TAF6L: variants seen among roughly 807,000 people sequenced by gnomAD.
TAF6L encodes TATA-box binding protein associated factor 6 like.
In TAF6L, 34 loss-of-function variants were observed where a neutral mutation model predicts 57.3. The ratio of observed to expected loss-of-function variants is 0.59; its 90% CI spans 0.45 to 0.79. The LOEUF is 0.79. TAF6L is among the 30% of genes least tolerant of loss of function. TAF6L has a pLI of 0.00. For synonymous variants in TAF6L, 417 were observed against 376.3 expected, an observed-to-expected ratio of 1.11 and a Z score of -1.25; for missense variants, 782 against 853.2, an observed-to-expected ratio of 0.92 and a Z score of 1.04.
At chr11:62,784,583 G>A (rs554986953) in intron 9 of TAF6L, among the ~76,000 whole-genome samples, 1 of 152,148 alleles carries the variant, frequency 6.6e-6, no homozygotes, top group Non-Finnish European at 1.5e-5. Context: ...TGGGATTACA[G>A]GTGTGAGCCA....
At chr11:62,779,368 G>A (rs1482094534) in intron 6 of TAF6L, among the ~76,000 whole-genome samples, 1 of 151,828 alleles carries the variant, frequency 6.6e-6, no homozygotes, top group Non-Finnish European at 1.5e-5. Flanking sequence ...CTAATTTTTT[G>A]TATTTTTTAG....
Position 62,777,961 on chromosome 11 carries a change from A to C in TAF6L, c.235-17A>C. On this transcript the variant is annotated splice_polypyrimidine_tract_variant and intron_variant, in intron 3 of 10. Coordinates refer to ENST00000294168, the MANE Select transcript of TAF6L (RefSeq NM_006473.4). The stretch of plus-strand genomic sequence containing the variant: ...CTCCCTGGATTCAGGCTGCTCTCCA[A>C]TTCCCTTTTTCCTCAGGCTGTGTGT... 1 of 1,613,578 alleles carries C rather than the reference A, an allele frequency of 6.2e-7. No individual in the cohort carries two copies. The highest frequency in any genetic ancestry group is 8.5e-7 in the Non-Finnish European group (1 of 1,179,610).
intron 9 of TAF6L, among the ~76,000 whole-genome samples, chr11:62,784,235 G>A (rs1303389822): frequency 2.0e-5 from 3 of 150,344 alleles, no homozygotes; most frequent in South Asian, 4.2e-4. Context: ...TGTTCCGCCC[G>A]CCTCGGCTTC....
chr11:62,772,606 G>A (rs2084156839), intron 1 of TAF6L, among the ~76,000 whole-genome samples: 2 of 151,286 alleles, frequency 1.3e-5, no homozygotes, highest in Admixed American at 1.3e-4. Flanking sequence ...GAGGTGGGCG[G>A]ATCACCTGAG....
chr11:62,779,418 A>G (rs559337696), intron 6 of TAF6L, among the ~76,000 whole-genome samples: 12 of 151,046 alleles, frequency 7.9e-5, no homozygotes, highest in African/African-American at 2.9e-4. Flanking sequence ...GATGGTCTTG[A>G]TCTCCTGACC....
chr11:62,777,360 A>G (rs774333737), intron 3 of TAF6L, among the ~76,000 whole-genome samples: 5 of 152,172 alleles, frequency 3.3e-5, no homozygotes, highest in Non-Finnish European at 5.9e-5. Context: ...CTAAACGCAC[A>G]CATAAGGGAA....
chr11:62,775,965 T>G, intron 2 of TAF6L, 35 bp downstream of exon 2: 1 of 1,570,732 alleles, frequency 6.4e-7, no homozygotes, highest in East Asian at 2.3e-5. Context: ...CCTCCAACTT[T>G]CCTTGTTTCT....
rs1248034242 is a variant in TAF6L at position 62,787,143 on chromosome 11, C to T, written c.1716C>T (p.Arg572=). The T allele has an allele frequency of 1.3e-6, 2 of 1,567,820 alleles. No individual in the cohort carries two copies. Among genetic ancestry groups the T allele is most frequent in the South Asian group, 1.1e-5 (1 of 87,660 alleles). ...FIIAGRQAGR[R]CRGRLFQTAF... The stretch of plus-strand genomic sequence containing the variant: ...TAGCCGGGCGGCAGGCTGGGAGGCG[C>T]TGCCGCGGGCGCCTTTTCCAGACTG... Residue 572 remains arginine (R), a synonymous_variant, in exon 11 of 11, where the codon CGC becomes CGT. Coordinates refer to ENST00000294168, the MANE Select transcript of TAF6L (RefSeq NM_006473.4).
At chr11:62,786,220 A>G (rs778122900) in intron 9 of TAF6L, 40 bp from the exon 10 acceptor site, 10 of 1,590,976 alleles carry the variant, frequency 6.3e-6, no homozygotes, top group Admixed American at 1.7e-5. Context: ...GGGAATAAGT[A>G]TCAAAGACAT....
At chr11:62,778,438 C>T in intron 5 of TAF6L, 103 bp downstream of exon 5, 3 of 1,367,494 alleles carry the variant, frequency 2.2e-6, no homozygotes, top group Non-Finnish European at 3.1e-6. Flanking sequence ...CATGTGTTTA[C>T]CCATGCCTGC....
At chr11:62,779,251 G>A (rs1264764363) in intron 6 of TAF6L, among the ~76,000 whole-genome samples, 1 of 152,106 alleles carries the variant, frequency 6.6e-6, no homozygotes, top group Non-Finnish European at 1.5e-5. Flanking sequence ...CTGGAGTGCA[G>A]TGGCGCGATC....
At chr11:62,778,379 C>T (rs1288526794) in intron 5 of TAF6L, 44 bp downstream of exon 5, 1 of 1,610,912 alleles carries the variant, frequency 6.2e-7, no homozygotes, top group Non-Finnish European at 8.5e-7. Context: ...TGAATTTTCT[C>T]CCTTAGGTTC....
chr11:62,779,727 G>A (rs1048468424), intron 6 of TAF6L, among the ~76,000 whole-genome samples: 1 of 151,488 alleles, frequency 6.6e-6, no homozygotes, highest in Non-Finnish European at 1.5e-5. Context: ...GTGCAGTGGT[G>A]TGATGTTGGC....
chr11:62,774,821 T>C (rs1329511403), intron 1 of TAF6L, among the ~76,000 whole-genome samples: 1 of 149,202 alleles, frequency 6.7e-6, no homozygotes, highest in Non-Finnish European at 1.5e-5. Flanking sequence ...TGGTGGCACG[T>C]GCCTGTAATC....
chr11:62,775,584 C>T (rs750670315), intron 1 of TAF6L, 187 bp from the exon 2 acceptor site: 17 of 582,138 alleles, frequency 2.9e-5, no homozygotes, highest in Non-Finnish European at 4.1e-5. Context: ...CTAGCTTCAC[C>T]GTTCTTGACC....
In TAF6L at chr11:62,787,306, C is replaced by G. The variant is rs747125135; in HGVS notation, c.*10C>G. ...GTACTTGCCGCTCTGAGTCAGTGGC[C>G]CCTTCGTTCCTTGTAAATAAATCCC... On this transcript the variant is annotated 3_prime_UTR_variant, in exon 11 of 11. Transcript: ENST00000294168. 8.5e-6 allele frequency: 13 copies of G among 1,529,304 alleles called. No individual in the cohort carries two copies. The highest frequency in any genetic ancestry group is 1.7e-4 in the Middle Eastern group (1 of 5,744). The allele number at this position is 1,529,304 out of a possible 1,614,324, so 94.7% of individuals were successfully genotyped here.
chr11:62,781,531 G>A (rs1048991266), intron 6 of TAF6L, among the ~76,000 whole-genome samples: 73 of 151,994 alleles, frequency 4.8e-4, no homozygotes, highest in Non-Finnish European at 8.7e-4. Flanking sequence ...AAAATTAGCC[G>A]GGTGTGGTGG....
chr11:62,776,597 TC>T, intron 3 of TAF6L, 127 bp downstream of exon 3: 1 of 908,476 alleles, frequency 1.1e-6, no homozygotes, highest in Non-Finnish European at 1.7e-6. Context: ...ATGCCTGTAA[TC>T]CCAGCACTTT....
At chr11:62,775,435 A>T (rs901702087) in intron 1 of TAF6L, among the ~76,000 whole-genome samples, 1 of 152,186 alleles carries the variant, frequency 6.6e-6, no homozygotes, top group East Asian at 1.9e-4. Context: ...TGAGCTAGAG[A>T]GGGCAGGAAT....
Sources: allele counts gnomAD v4.1 joint callset (sites outside exome capture counted in the v4.1 genomes callset), GRCh38; gene constraint gnomAD v4.1.1; transcripts MANE v1.5; gene names NCBI Gene and HGNC (gene_info 2026-07-23, HGNC 2026-07-21).